DVL2: variants seen among roughly 807,000 people sequenced by gnomAD.
The protein encoded by DVL2 is dishevelled segment polarity protein 2.
A neutral mutation model predicts 69.8 loss-of-function variants in DVL2; 38 were observed. The observed-to-expected ratio is 0.54, with a 90% CI of 0.42 to 0.71. The LOEUF is 0.71. Ranked by LOEUF, DVL2 falls within the 30% of genes least tolerant of loss-of-function variation. DVL2 has a pLI of 0.00. For missense variants in DVL2, 931 were observed against 1,008.1 expected (o/e 0.92, Z 1.04); for synonymous variants, 428 against 392.4 (o/e 1.09, Z -1.07).
At position 7,234,428 on chromosome 17, in the gene DVL2, G is replaced by T; in HGVS notation, c.-166C>A. The T allele has an allele frequency of 1.2e-6, 1 of 813,294 alleles. No individual in the cohort carries two copies. Among genetic ancestry groups the T allele is most frequent in the Non-Finnish European group, 1.8e-6 (1 of 552,846 alleles). 50.4% of individuals were successfully genotyped at this position (813,294 alleles called of 1,614,324 possible). ...ACGGATCTGCGAGGGTGGCGGCGGG[G>T]GGCGGGCCGCGGGGTGCGACTCAAA... is the stretch of plus-strand genomic sequence containing the variant. On this transcript the variant is annotated 5_prime_UTR_variant, in exon 1 of 15. Transcript: ENST00000005340.
chr17:7,230,876 T>C, intron 1 of DVL2, 79 bp from the exon 2 acceptor site: 1 of 1,085,692 alleles, frequency 9.2e-7, no homozygotes, highest in Non-Finnish European at 1.4e-6. Context: ...TCTCCCAATC[T>C]TCACCTGGCT....
rs372681115 is a variant in DVL2 at position 7,226,104 on chromosome 17, G to T, written c.1972C>A (p.Leu658Ile). 1.3e-6 allele frequency: 2 copies of T among 1,596,080 alleles called. No homozygotes were observed. The highest frequency in any genetic ancestry group is 2.7e-5 in the African/African-American group (2 of 74,524). ...SRGSTGGAPNLRAHPGLHPYG... is the reference protein window; with the variant it reads ...SRGSTGGAPNIRAHPGLHPYG... Reference sequence around the variant, plus strand: ...GGATGGAGCCCTGGGTGGGCTCGGAGATTAGGGGCACCCCCAGTTGAGCCT... The same window carrying T: ...GGATGGAGCCCTGGGTGGGCTCGGATATTAGGGGCACCCCCAGTTGAGCCT... The change falls in exon 15 of 15, where the codon CTC (leucine) becomes ATC (isoleucine). Residue 658 changes from leucine (L) to isoleucine (I), a missense_variant. Coordinates refer to ENST00000005340, the MANE Select transcript of DVL2 (RefSeq NM_004422.3).
rs1050985895 is a variant in DVL2 at position 7,234,439 on chromosome 17, G to A, written c.-177C>T. On this transcript the variant is annotated 5_prime_UTR_variant, in exon 1 of 15. Transcript: ENST00000005340. ...AGGGTGGCGGCGGGGGGCGGGCCGC[G>A]GGGTGCGACTCAAAGCCCCGGTCTC... 4.1e-6 allele frequency: 3 copies of A among 733,560 alleles called. No homozygotes were observed. Among genetic ancestry groups the A allele is most frequent in the African/African-American group, 3.8e-5 (2 of 52,814 alleles). The allele number at this position is 733,560 out of a possible 1,614,324, so 45.4% of individuals were successfully genotyped here. A position where few individuals can be genotyped will look rare whatever the true frequency, so the allele number is the denominator to read the frequency against.
rs575827484 is a variant in DVL2 at position 7,234,304 on chromosome 17, G to C, written c.-42C>G. 6.3e-7 allele frequency: 1 copy of C among 1,579,172 alleles called. No homozygotes were observed. The highest frequency in any genetic ancestry group is 1.2e-5 in the South Asian group (1 of 86,610). On this transcript the variant is annotated 5_prime_UTR_variant, in exon 1 of 15. Transcript: ENST00000005340. ...TCCCGGGCTCCACCGCCCACCCAAA[G>C]GGCTAATGGCCCCTGCCGCGCCTGC...
At chr17:7,232,903 A>C (rs1387306919) in intron 1 of DVL2, among the ~76,000 whole-genome samples, 1 of 151,854 alleles carries the variant, frequency 6.6e-6, no homozygotes, top group African/African-American at 2.4e-5. Context: ...GTCTGGCTAA[A>C]ACGGTGAAAC....
At chr17:7,230,852 C>T in intron 1 of DVL2, 55 bp from the exon 2 acceptor site, 4 of 1,391,200 alleles carry the variant, frequency 2.9e-6, no homozygotes, top group South Asian at 1.3e-5. Context: ...CCCACCCCGA[C>T]CCCCATCAAA....
rs1009379741 is a variant in DVL2 at position 7,234,355 on chromosome 17, C to A, written c.-93G>T. 1.9e-5 allele frequency: 27 copies of A among 1,431,352 alleles called. No homozygotes were observed. Among genetic ancestry groups the A allele is most frequent in the Non-Finnish European group, 2.6e-5 (27 of 1,049,248 alleles). The allele number at this position is 1,431,352 out of a possible 1,614,324, so 88.7% of individuals were successfully genotyped here. A position where few individuals can be genotyped will look rare whatever the true frequency, so the allele number is the denominator to read the frequency against. On this transcript the variant is annotated 5_prime_UTR_variant, in exon 1 of 15. Transcript: ENST00000005340. The stretch of plus-strand genomic sequence containing the variant: ...GCACACCCGCAAACCGACGCGCGAG[C>A]GCGGACAGGACTGACCCAGTACGGG...
chr17:7,230,343 G>A lies in DVL2; in HGVS notation c.352C>T (p.Pro118Ser). 3 of 1,614,186 alleles carry A rather than the reference G, an allele frequency of 1.9e-6. No individual in the cohort carries two copies. Among genetic ancestry groups the A allele is most frequent in the Non-Finnish European group, 1.7e-6 (2 of 1,180,038 alleles). The change falls in exon 3 of 15, where the codon CCT (proline) becomes TCT (serine). Residue 118 changes from proline (P) to serine (S), a missense_variant. Physicochemically the swap from Pro to Ser is moderately conservative, Grantham distance 74. Transcript: ENST00000005340. ...AELAPPAPPLPPLPPERTSGI... is the reference protein window; with the variant it reads ...AELAPPAPPLSPLPPERTSGI... The stretch of plus-strand genomic sequence containing the variant: ...CTGGTCCTCTCGGGTGGCAAAGGAG[G>A]TAAAGGTGGGGCTGGAGGCGCCAGT...
intron 1 of DVL2, 34 bp from the exon 2 acceptor site, chr17:7,230,831 G>A (rs775314422): frequency 4.4e-5 from 68 of 1,555,428 alleles, no homozygotes; most frequent in Non-Finnish European, 5.6e-5. Context: ...CAGTGAGCTG[G>A]ACCAACCATC....
rs1458129584 is a variant in DVL2 at position 7,234,377 on chromosome 17, C to A, written c.-115G>T. On this transcript the variant is annotated 5_prime_UTR_variant, in exon 1 of 15. Transcript: ENST00000005340. ...GAGCGCGGACAGGACTGACCCAGTA[C>A]GGGAGAGAAGCAAAGGGGAAAAAGC... The A allele has an allele frequency of 4.3e-5, 52 of 1,222,864 alleles. 1 individual carries two copies. The highest frequency in any genetic ancestry group is 2.9e-4 in the Middle Eastern group (1 of 3,482). 75.8% of individuals were successfully genotyped at this position (1,222,864 alleles called of 1,614,324 possible).
chr17:7,227,626 G>C, intron 11 of DVL2, 29 bp downstream of exon 11: 1 of 1,614,194 alleles, frequency 6.2e-7, no homozygotes, highest in South Asian at 1.1e-5. Context: ...TCTGCTGGGA[G>C]GGTGGGATGA....
rs765284109 is a variant in DVL2 at position 7,225,345 on chromosome 17, T to C, written c.*520A>G. 2 of 588,846 alleles carry C rather than the reference T, an allele frequency of 3.4e-6. No individual in the cohort carries two copies. Among genetic ancestry groups the C allele is most frequent in the Non-Finnish European group, 6.0e-6 (2 of 332,894 alleles). The allele number at this position is 588,846 out of a possible 1,614,324, so 36.5% of individuals were successfully genotyped here. ...AGAAAGGAGCCAGAGGCGTGGGGAG[T>C]TTGCCTCTATTGCTTTATTTGGTGT... On this transcript the variant is annotated 3_prime_UTR_variant, in exon 15 of 15. Transcript: ENST00000005340.
At position 7,230,769 on chromosome 17, in the gene DVL2, T is replaced by C; in HGVS notation, c.223A>G (p.Asn75Asp). 2.5e-6 allele frequency: 4 copies of C among 1,613,228 alleles called. No individual in the cohort carries two copies. Among genetic ancestry groups the C allele is most frequent in the Non-Finnish European group, 1.7e-6 (2 of 1,179,632 alleles). Residue 75 changes from asparagine (N) to aspartate (D), a missense_variant, in exon 2 of 15, where the codon AAC (asparagine) becomes GAC (aspartate). This residue lies in a region of DVL2 where 555 missense variants were observed against 588.8 expected (regional missense o/e 0.94). Coordinates refer to ENST00000005340, the MANE Select transcript of DVL2 (RefSeq NM_004422.3). ...CCGTTGAAGCAGGGGAGGCGGGCGT[T>C]GTCATCTGAAATTTCTTCCTTCACC... is the stretch of plus-strand genomic sequence containing the variant. The part of the protein sequence containing the change: ...GVVKEEISDD[N>D]ARLPCFNGRV...
chr17:7,226,671 C>T (rs1270137079), intron 13 of DVL2, 32 bp from the exon 14 acceptor site: 3 of 1,466,432 alleles, frequency 2.0e-6, no homozygotes, highest in South Asian at 2.7e-5. Context: ...GAAGAAATCA[C>T]TGCTTCAAGA....
At position 7,230,085 on chromosome 17, in the gene DVL2, G is replaced by A. The variant is rs374072094; in HGVS notation, c.481C>T (p.Arg161Trp). 15 of 1,614,118 alleles carry A rather than the reference G, an allele frequency of 9.3e-6. No homozygotes were observed. The highest frequency in any genetic ancestry group is 5.5e-5 in the South Asian group (5 of 91,082). The change falls in exon 4 of 15, where the codon CGG becomes TGG. Residue 161 changes from arginine to tryptophan, a missense_variant. Around this residue, in one of 3 missense-constraint regions of DVL2, gnomAD observed 555 missense variants for 588.8 expected, o/e 0.94. Coordinates refer to ENST00000005340, the MANE Select transcript of DVL2 (RefSeq NM_004422.3). ...CTGTCTCTCCTGCGAGGCCGCTCCC[G>A]CCTCAGTGACACTACTGACTCGGTT... ...TETESVVSLR[R>W]ERPRRRDSSE...
At position 7,229,937 on chromosome 17, in the gene DVL2, C is replaced by A; in HGVS notation, c.527G>T (p.Gly176Val). ...CCTTGAGGGGCCACCAGTCCTGTGG[C>A]CCCCAGCTACATATGGACAGGAAGC... ...RRDSSEHGAG[G>V]HRTGGPSRLE... The change falls in exon 5 of 15, where the codon GGC becomes GTC. Residue 176 changes from glycine (G) to valine (V), a missense_variant. Transcript: ENST00000005340. The surrounding 1 kb of genome is among the most constrained non-coding windows in gnomAD (Gnocchi z 4.4). 3 of 1,608,082 alleles carry A rather than the reference C, an allele frequency of 1.9e-6. No individual in the cohort carries two copies. Among genetic ancestry groups the A allele is most frequent in the Non-Finnish European group, 2.5e-6 (3 of 1,179,772 alleles).
chr17:7,229,503 G>A lies in DVL2; in HGVS notation c.748-56C>T. The A allele has an allele frequency of 6.2e-7, 1 of 1,610,746 alleles. No individual in the cohort carries two copies. The highest frequency in any genetic ancestry group is 8.5e-7 in the Non-Finnish European group (1 of 1,177,018). On this transcript the variant is annotated intron_variant, in intron 6 of 14. Coordinates refer to ENST00000005340, the MANE Select transcript of DVL2 (RefSeq NM_004422.3). The surrounding 1 kb of genome is among the most constrained non-coding windows in gnomAD (Gnocchi z 4.4). Reference sequence around the variant, plus strand: ...TCAATAACCCAGGGTCAACCCTGGGGTGCTGCCGGTGTCCTGGCACCGCCC... The same window carrying A: ...TCAATAACCCAGGGTCAACCCTGGGATGCTGCCGGTGTCCTGGCACCGCCC...
Position 7,230,043 on chromosome 17 carries a change from C to A in DVL2, c.520+3G>T. On this transcript the variant is annotated splice_donor_region_variant and intron_variant, in intron 4 of 14. Transcript: ENST00000005340. ...CTTCCCGGCCCCCAGGCCTGCCCCT[C>A]ACCGCCATGCTCACTGCTGTCTCTC... 6.2e-7 allele frequency: 1 copy of A among 1,613,782 alleles called. No homozygotes were observed. Among genetic ancestry groups the A allele is most frequent in the Non-Finnish European group, 8.5e-7 (1 of 1,180,032 alleles).
In DVL2 at chr17:7,230,060, C is replaced by T; in HGVS notation, c.506G>A (p.Ser169Asn). ...CTGCCCCTCACCGCCATGCTCACTGCTGTCTCTCCTGCGAGGCCGCTCCCG... is the reference window on the plus strand; with the variant it reads ...CTGCCCCTCACCGCCATGCTCACTGTTGTCTCTCCTGCGAGGCCGCTCCCG... ...LRRERPRRRDSSEHGAGGHRT... is the reference protein window; with the variant it reads ...LRRERPRRRDNSEHGAGGHRT... The change falls in exon 4 of 15, where the codon AGC (serine) becomes AAC (asparagine). Residue 169 changes from serine (S) to asparagine (N), a missense_variant. Ser to Asn is a conservative substitution (Grantham distance 46). Transcript: ENST00000005340. The T allele has an allele frequency of 3.1e-6, 5 of 1,614,060 alleles. No homozygotes were observed. The highest frequency in any genetic ancestry group is 4.2e-6 in the Non-Finnish European group (5 of 1,180,036).
Sources: allele counts gnomAD v4.1 joint callset (sites outside exome capture counted in the v4.1 genomes callset), GRCh38; gene constraint gnomAD v4.1.1; regional missense constraint gnomAD v4.1.1; non-coding constraint Gnocchi (gnomAD v3.1); transcripts MANE v1.5; gene names NCBI Gene and HGNC (gene_info 2026-07-23, HGNC 2026-07-21).